The following PADI2 variants were observed in gnomAD, a reference collection of about 807,000 sequenced individuals.
PADI2 encodes the protein peptidyl arginine deiminase 2.
Under a neutral mutation model 81.1 loss-of-function variants are expected in PADI2, and 70 were observed. The ratio of observed to expected loss-of-function variants is 0.86; its 90% confidence interval spans 0.71 to 1.05. The LOEUF is 1.05. Ranked by LOEUF, PADI2 falls within the 50% of genes least tolerant of loss-of-function variation. The probability of loss-of-function intolerance (pLI) is 0.00; values close to 1 mark genes in which losing one functional copy is unlikely to be tolerated. For synonymous variants in PADI2, 338 were observed against 358.0 expected, an observed-to-expected ratio of 0.94 and a Z score of 0.63; for missense variants, 853 against 889.9, an observed-to-expected ratio of 0.96 and a Z score of 0.53.
intron 3 of PADI2, among the ~76,000 whole-genome samples, chr1:17,098,694 A>G (rs1931033307): frequency 6.6e-6 from 1 of 152,048 alleles, no homozygotes; most frequent in South Asian, 2.1e-4. Context: ...AGGGCTTCAT[A>G]ACTCCTCTCT....
At chr1:17,112,526 G>T (rs542554185) in intron 1 of PADI2, among the ~76,000 whole-genome samples, 9 of 146,236 alleles carry the variant, frequency 6.2e-5, no homozygotes, top group Admixed American at 4.7e-4. Context: ...AGGAGTCTGG[G>T]GGGGGGAGTC....
Position 17,104,996 on chromosome 1 carries a change from A to T in PADI2, c.158T>A (p.Val53Glu). The T allele has an allele frequency of 6.2e-7, 1 of 1,609,808 alleles. No homozygotes were observed. ...CACCTCCTCAGCCTCCCCATCACGC[A>T]CCACCTCCACCCACACGTGTTCCGA... is the stretch of plus-strand genomic sequence containing the variant. ...KHSEHVWVEV[V>E]RDGEAEEVAT... is the part of the protein sequence containing the mutation. The change falls in exon 2 of 16, where the codon GTG (valine) becomes GAG (glutamate). Residue 53 changes from valine to glutamate, a missense_variant. Coordinates refer to ENST00000375486, the MANE Select transcript of PADI2 (RefSeq NM_007365.3).
In PADI2 at chr1:17,069,249, A is replaced by C. The variant is rs767206437; in HGVS notation, c.1793T>G (p.Leu598Arg). ...TGGCCCGAATGGCTTGGGGATGCCC[A>C]GGTCCTTGTCCAGCACGATCATGTT... ...MVNMIVLDKD[L>R]GIPKPFGPQV... The change falls in exon 16 of 16, where the codon CTG (leucine) becomes CGG (arginine). Residue 598 changes from leucine to arginine, a missense_variant. Coordinates refer to ENST00000375486, the MANE Select transcript of PADI2 (RefSeq NM_007365.3). The C allele has an allele frequency of 1.9e-6, 3 of 1,614,200 alleles. No individual in the cohort carries two copies. Among genetic ancestry groups the C allele is most frequent in the Non-Finnish European group, 8.5e-7 (1 of 1,180,000 alleles).
At chr1:17,108,208 C>G (rs896313907) in intron 1 of PADI2, among the ~76,000 whole-genome samples, 20 of 152,138 alleles carry the variant, frequency 1.3e-4, no homozygotes, top group African/African-American at 4.6e-4. Context: ...CTCGGCCTCC[C>G]AAAGTGTTGG....
At chr1:17,100,267 C>T (rs2746505) in intron 3 of PADI2, among the ~76,000 whole-genome samples, 145,711 of 152,334 alleles carry the variant, frequency 0.96, 69,698 homozygotes, top group East Asian at 1. Flanking sequence ...ATGACTGTCT[C>T]TTATTCTGTT....
chr1:17,115,548 G>A lies in PADI2; in HGVS notation c.92+3732C>T, dbSNP rs779487813. On this transcript the variant is annotated intron_variant, in intron 1 of 15. Coordinates refer to ENST00000375486, the MANE Select transcript of PADI2 (RefSeq NM_007365.3). The surrounding 1 kb of genome is among the most constrained non-coding windows in gnomAD (Gnocchi z 4.1). ...ACCACCCTGCTACCTACTTTACTCC[G>A]AGGCTGCCCTGTCCCTAATAATCCT... Among the ~76,000 whole-genome samples the A allele has an allele frequency of 1.3e-5, 2 of 152,204 alleles. No homozygotes were observed. The highest frequency in any genetic ancestry group is 6.5e-5 in the Admixed American group (1 of 15,282).
intron 13 of PADI2, among the ~76,000 whole-genome samples, chr1:17,073,353 C>T (rs1000782078): frequency 6.7e-6 from 1 of 148,182 alleles, no homozygotes; most frequent in Non-Finnish European, 1.5e-5. Flanking sequence ...GGAGGCGGAG[C>T]TTGCAGTGAG....
intron 6 of PADI2, among the ~76,000 whole-genome samples, chr1:17,091,801 C>A (rs550283120): frequency 6.6e-6 from 1 of 152,050 alleles, no homozygotes; most frequent in African/African-American, 2.4e-5. Flanking sequence ...GCTAGACTGG[C>A]GGCTCCTTGA....
At chr1:17,107,496 C>T (rs889442375) in intron 1 of PADI2, among the ~76,000 whole-genome samples, 1 of 152,140 alleles carries the variant, frequency 6.6e-6, no homozygotes, top group Non-Finnish European at 1.5e-5. Context: ...CTGCGGGGCC[C>T]CATCTCAGAG....
chr1:17,081,986 G>A (rs1202004126), intron 10 of PADI2, among the ~76,000 whole-genome samples: 2 of 152,160 alleles, frequency 1.3e-5, no homozygotes. Flanking sequence ...GATGGTGCAT[G>A]CCTGTAATCC....
chr1:17,105,410 T>C (rs1240323897), intron 1 of PADI2, among the ~76,000 whole-genome samples: 1 of 151,950 alleles, frequency 6.6e-6, no homozygotes, highest in Non-Finnish European at 1.5e-5. Context: ...TGTGTGTGTG[T>C]GTGAGGCAGA....
intron 3 of PADI2, among the ~76,000 whole-genome samples, chr1:17,096,413 T>C (rs896076755): frequency 6.6e-6 from 1 of 152,392 alleles, no homozygotes; most frequent in South Asian, 2.1e-4. Flanking sequence ...ATTCCCAAAC[T>C]GCCTTTCTCA....
rs541202263 is a variant in PADI2, at chr1:17,103,530, C to T, written c.277-471G>A. The stretch of plus-strand genomic sequence containing the variant: ...AAATCACCCATGGATGTTCAGCACC[C>T]CATTTTACAGATAGACCAAGGACAC... On this transcript the variant is annotated intron_variant, in intron 2 of 15. Transcript: ENST00000375486. 9.9e-5 allele frequency among the ~76,000 whole-genome samples: 15 copies of T among 152,252 alleles called. No homozygotes were observed. The East Asian group carries it at 1.5e-3, about 16-fold the overall frequency.
At chr1:17,105,870 G>A (rs1359465426) in intron 1 of PADI2, among the ~76,000 whole-genome samples, 1 of 152,210 alleles carries the variant, frequency 6.6e-6, no homozygotes, top group African/African-American at 2.4e-5. Context: ...GTGAATGTAT[G>A]AGGGTCGGGC....
chr1:17,111,466 A>G (rs959135266), intron 1 of PADI2, among the ~76,000 whole-genome samples: 2 of 152,152 alleles, frequency 1.3e-5, no homozygotes, highest in African/African-American at 4.8e-5. Context: ...AGAGGGTGCC[A>G]TGAGGCCCCA....
At chr1:17,108,613 G>T (rs777582183) in intron 1 of PADI2, among the ~76,000 whole-genome samples, 2 of 151,966 alleles carry the variant, frequency 1.3e-5, no homozygotes, top group Non-Finnish European at 2.9e-5. Context: ...GAGGTGAGTC[G>T]GACGGAAGGT....
At position 17,103,027 on chromosome 1, in the gene PADI2, G is replaced by T. The variant is rs762771267; in HGVS notation, c.309C>A (p.Ser103Arg). 6.2e-7 allele frequency: 1 copy of T among 1,613,590 alleles called. No homozygotes were observed. Among genetic ancestry groups the T allele is most frequent in the Non-Finnish European group, 8.5e-7 (1 of 1,179,652 alleles). ...VTVNYYDEEG[S>R]IPIDQAGLFL... ...AGAGCCCCGCCTGGTCGATGGGAAT[G>T]CTCCCTTCCTCGTCATAGTAGTTGA... The change falls in exon 3 of 16, where the codon AGC becomes AGA. Residue 103 changes from serine to arginine, a missense_variant. By Grantham distance (110) the Ser-to-Arg change is moderately radical (BLOSUM62 -1). Coordinates refer to ENST00000375486, the MANE Select transcript of PADI2 (RefSeq NM_007365.3).
chr1:17,075,179 T>G (rs2078292546), intron 12 of PADI2: 1 of 456,904 alleles, frequency 2.2e-6, no homozygotes, highest in African/African-American at 2.0e-5. Flanking sequence ...AAGGTGGACT[T>G]GGACAGGACA....
intron 12 of PADI2, 178 bp downstream of exon 12, chr1:17,075,501 G>A: frequency 1.9e-6 from 1 of 527,798 alleles, no homozygotes; most frequent in Non-Finnish European, 3.3e-6. Context: ...CTAACATTTT[G>A]GATTTATGGG....
Sources: gnomAD v4.1 joint callset for allele counts (sites outside exome capture counted in the v4.1 genomes callset) on GRCh38, gnomAD v4.1.1 for gene constraint, Gnocchi (gnomAD v3.1) non-coding constraint, MANE v1.5 for transcripts, NCBI Gene and HGNC (gene_info 2026-07-23, HGNC 2026-07-21) for gene names.